CDH13: variants seen among roughly 807,000 people sequenced by gnomAD.
CDH13 encodes cadherin-13.
A neutral mutation model predicts 63.8 loss-of-function variants in CDH13; 24 were observed. The ratio of observed to expected loss-of-function variants is 0.38; its 90% CI spans 0.27 to 0.53. CDH13 has a LOEUF of 0.53. Ranked by LOEUF, CDH13 falls within the 20% of genes least tolerant of loss-of-function variation. The probability of loss-of-function intolerance (pLI) is 0.85; values close to 1 mark genes in which losing one functional copy is unlikely to be tolerated. For synonymous variants in CDH13, 503 were observed against 355.3 expected (o/e 1.42, Z -4.67); for missense variants, 1,049 against 903.1 (o/e 1.16, Z -2.07).
chr16:83,681,660 C>T (rs1038790906), intron 10 of CDH13, among the ~76,000 whole-genome samples: 11 of 152,114 alleles, frequency 7.2e-5, no homozygotes. Context: ...ACATCACCGA[C>T]AGGTTGAGCT....
At chr16:83,770,821 C>A (rs1391215455) in intron 11 of CDH13, among the ~76,000 whole-genome samples, 1 of 152,130 alleles carries the variant, frequency 6.6e-6, no homozygotes, top group Non-Finnish European at 1.5e-5. Context: ...TGTACTGCAA[C>A]CTGTTTTATC....
Position 82,689,547 on chromosome 16 carries a change from T to A in CDH13, c.45+62410T>A, listed in dbSNP as rs182221133. On this transcript the variant is annotated intron_variant, in intron 1 of 13. Transcript: ENST00000567109. ...CCTGAAGGCTCGAGGATGACAGGAGTGACTTCCGTCACTGCCATATTTCTT... is the reference window on the plus strand; with the variant it reads ...CCTGAAGGCTCGAGGATGACAGGAGAGACTTCCGTCACTGCCATATTTCTT... Among the ~76,000 whole-genome samples the A allele has an allele frequency of 2.5e-3, 374 of 152,192 alleles. 1 individual carries two copies. The highest frequency in any genetic ancestry group is 8.7e-3 in the African/African-American group (363 of 41,508).
chr16:83,589,217 G>A (rs773657705), intron 7 of CDH13, among the ~76,000 whole-genome samples: 4 of 150,662 alleles, frequency 2.7e-5, no homozygotes, highest in Admixed American at 6.6e-5. Flanking sequence ...GTCTCTCCTC[G>A]TCTCCCTGTC....
At chr16:82,830,971 C>A (rs1234322349) in intron 1 of CDH13, among the ~76,000 whole-genome samples, 14 of 152,106 alleles carry the variant, frequency 9.2e-5, no homozygotes. Flanking sequence ...GGGTGCTTAG[C>A]AAATCTTCCG....
intron 13 of CDH13, among the ~76,000 whole-genome samples, chr16:83,784,932 A>C (rs1211529974): frequency 6.6e-6 from 1 of 152,180 alleles, no homozygotes; most frequent in Non-Finnish European, 1.5e-5. Flanking sequence ...TGGCTTTCTA[A>C]CTTTATCTTC....
intron 3 of CDH13, among the ~76,000 whole-genome samples, chr16:83,054,263 C>T (rs1213996921): frequency 6.6e-6 from 1 of 152,110 alleles, no homozygotes; most frequent in African/African-American, 2.4e-5. Context: ...TATACATATG[C>T]AAATATGACA....
intron 6 of CDH13, among the ~76,000 whole-genome samples, chr16:83,359,361 G>A (rs1015711535): frequency 6.6e-6 from 1 of 152,152 alleles, no homozygotes; most frequent in Non-Finnish European, 1.5e-5. Context: ...GTAGATATCA[G>A]GCTTTGAGCA....
At chr16:82,909,567 C>T (rs2041762841) in intron 2 of CDH13, among the ~76,000 whole-genome samples, 1 of 149,962 alleles carries the variant, frequency 6.7e-6, no homozygotes. Flanking sequence ...GGGGAGACCT[C>T]ACAGTCATGG....
chr16:83,183,258 A>C (rs1488689007), intron 4 of CDH13, among the ~76,000 whole-genome samples: 4 of 152,238 alleles, frequency 2.6e-5, no homozygotes, highest in African/African-American at 9.6e-5. Flanking sequence ...CGTTGATATT[A>C]GTCAAACATA....
intron 4 of CDH13, among the ~76,000 whole-genome samples, chr16:83,140,340 G>A (rs117263856): frequency 4.2e-4 from 64 of 152,294 alleles, no homozygotes; most frequent in African/African-American, 1.4e-3. Flanking sequence ...TCATCAACAC[G>A]TGGTATGGCA....
At chr16:83,761,931 G>C (rs1424256863) in intron 11 of CDH13, among the ~76,000 whole-genome samples, 3 of 152,094 alleles carry the variant, frequency 2.0e-5, no homozygotes, top group African/African-American at 7.2e-5. Flanking sequence ...GCCAGGCGTG[G>C]TTGTGCATGC....
At chr16:82,757,179 G>C (rs548359282) in intron 1 of CDH13, among the ~76,000 whole-genome samples, 8 of 152,260 alleles carry the variant, frequency 5.3e-5, no homozygotes, top group Non-Finnish European at 1.2e-4. Flanking sequence ...TTTGTCTCTT[G>C]CTGCAGACTC....
intron 13 of CDH13, among the ~76,000 whole-genome samples, chr16:83,794,495 G>A (rs1026216688): frequency 1.3e-5 from 2 of 152,226 alleles, no homozygotes; most frequent in African/African-American, 4.8e-5. Flanking sequence ...AGGGGTTGCA[G>A]TGAGCCAAGA....
At chr16:83,553,761 T>C (rs926861675) in intron 7 of CDH13, among the ~76,000 whole-genome samples, 1 of 152,208 alleles carries the variant, frequency 6.6e-6, no homozygotes, top group Non-Finnish European at 1.5e-5. Context: ...TTCATAATGT[T>C]GGCTAGGCTG....
intron 10 of CDH13, among the ~76,000 whole-genome samples, chr16:83,734,753 T>TAATAATAATAATAATAAA: frequency 1.3e-5 from 2 of 149,250 alleles, no homozygotes; most frequent in South Asian, 4.2e-4. Context: ...ATAATAATAA[T>TAATAATAATAATAATAAA]AAAAACAGGG....
intron 6 of CDH13, among the ~76,000 whole-genome samples, chr16:83,410,498 T>G (rs796319546): frequency 2.0e-5 from 3 of 152,294 alleles, no homozygotes; most frequent in African/African-American, 7.2e-5. Context: ...GCAAGGTTAC[T>G]GGCAAATAGC....
At chr16:83,779,463 G>T (rs1915366008) in intron 11 of CDH13, among the ~76,000 whole-genome samples, 2 of 107,530 alleles carry the variant, frequency 1.9e-5, no homozygotes, top group African/African-American at 3.5e-5. Flanking sequence ...AAAGGGCTTT[G>T]TAAACCACTA....
rs923267658 is a variant in CDH13 at position 83,091,942 on chromosome 16, A to G, written c.367-33443A>G. Among the ~76,000 whole-genome samples, 4 of 152,338 alleles carry G rather than the reference A, an allele frequency of 2.6e-5. No homozygotes were observed. The East Asian group carries it at 7.7e-4, about 29-fold the overall frequency. Reference sequence around the variant, plus strand: ...TCACACCTGTGTGCCTATAAATATAATTTCACAAATAATTCTAGTAAGTTC... The same window carrying G: ...TCACACCTGTGTGCCTATAAATATAGTTTCACAAATAATTCTAGTAAGTTC... On this transcript the variant is annotated intron_variant, in intron 3 of 13. Transcript: ENST00000567109.
intron 7 of CDH13, among the ~76,000 whole-genome samples, chr16:83,512,993 G>C (rs187341798): frequency 1.5e-3 from 225 of 150,264 alleles, no homozygotes; most frequent in African/African-American, 5.4e-3. Context: ...CTAAATCCAG[G>C]AAGTATTTCG....
Sources: gnomAD v4.1 joint callset for allele counts (sites outside exome capture counted in the v4.1 genomes callset) on GRCh38, gnomAD v4.1.1 for gene constraint, MANE v1.5 for transcripts, NCBI Gene and HGNC (gene_info 2026-07-23, HGNC 2026-07-21) for gene names.